Variants in RAB37 observed in about 807,000 individuals in gnomAD.
RAB37 encodes ras-related protein Rab-37.
In RAB37, 29 loss-of-function variants were observed where a neutral mutation model predicts 33.1. The observed-to-expected ratio is 0.88, with a 90% CI of 0.65 to 1.20. The LOEUF is 1.20. Ranked by LOEUF, RAB37 falls within the 50% of genes most tolerant of loss-of-function variation. The pLI, the probability that RAB37 is intolerant of heterozygous loss-of-function variation, is 0.00. For synonymous variants in RAB37, 128 were observed against 119.5 expected (o/e 1.07, Z -0.47); for missense variants, 299 against 301.1 (o/e 0.99, Z 0.05).
chr17:74,737,326 C>T lies in RAB37; in HGVS notation c.54C>T (p.Arg18=). The T allele has an allele frequency of 1.3e-6, 2 of 1,577,700 alleles. No individual in the cohort carries two copies. Among genetic ancestry groups the T allele is most frequent in the Non-Finnish European group, 1.7e-6 (2 of 1,169,174 alleles). The part of the protein sequence containing the change: ...VATRDGEAPE[R]SPPCSPSYDL... ...CCCGGGATGGCGAGGCCCCCGAGCG[C>T]TCCCCGCCCTGCAGTCCGAGCTACG... Residue 18 remains arginine (R), a synonymous_variant, in exon 1 of 9, where the codon CGC becomes CGT. Transcript: ENST00000392613.
chr17:74,745,302 C>A lies in RAB37; in HGVS notation c.567-4C>A. ...CCAGCCCAGCCCATTGTCTCTTCTT[C>A]AAGGGAACTGAAATACCGGGCCGGG... On this transcript the variant is annotated splice_region_variant and splice_polypyrimidine_tract_variant and intron_variant, in intron 8 of 8. Coordinates refer to ENST00000392613, the MANE Select transcript of RAB37 (RefSeq NM_001006638.3). This position sits in a 1 kb window ranked among gnomAD's most constrained non-coding sequence, Gnocchi z 4.5. The A allele has an allele frequency of 6.2e-7, 1 of 1,608,074 alleles. No individual in the cohort carries two copies.
At chr17:74,713,067 G>A in intron 1 of RAB37, 1 of 561,436 alleles carries the variant, frequency 1.8e-6, no homozygotes, top group South Asian at 2.0e-5. Flanking sequence ...GGCACTTTGG[G>A]AGGCCAAGGC....
At chr17:74,717,641 C>T (rs935061735) in intron 1 of RAB37, among the ~76,000 whole-genome samples, 4 of 151,394 alleles carry the variant, frequency 2.6e-5, no homozygotes, top group Admixed American at 6.6e-5. Context: ...AGAGAAACCC[C>T]GTCTCTACTG....
Position 74,746,153 on chromosome 17 carries a change from C to T in RAB37, c.*742C>T, listed in dbSNP as rs115710917. On this transcript the variant is annotated 3_prime_UTR_variant, in exon 9 of 9. Coordinates refer to ENST00000392613, the MANE Select transcript of RAB37 (RefSeq NM_001006638.3). The surrounding 1 kb of genome is among the most constrained non-coding windows in gnomAD (Gnocchi z 5.2). ...AGATCCTGGGGGAGCCCCTCCCCCCCCTGAATCCCTGGCTTAGCTACCTTC... is the reference window on the plus strand; with the variant it reads ...AGATCCTGGGGGAGCCCCTCCCCCCTCTGAATCCCTGGCTTAGCTACCTTC... The T allele has an allele frequency of 1.3e-5, 2 of 152,180 alleles. No homozygotes were observed. The highest frequency in any genetic ancestry group is 2.4e-5 in the African/African-American group (1 of 41,402). The allele number at this position is 152,180 out of a possible 1,614,324, so 9.4% of individuals were successfully genotyped here. A position where few individuals can be genotyped will look rare whatever the true frequency, so the allele number is the denominator to read the frequency against.
chr17:74,676,409 A>G lies in RAB37; in HGVS notation c.72+4751A>G, dbSNP rs893408824. On this transcript the variant is annotated intron_variant, in intron 1 of 7. Coordinates refer to the RAB37 transcript ENST00000340415. This position sits in a 1 kb window ranked among gnomAD's most constrained non-coding sequence, Gnocchi z 4.1. ...CTTGGTTCTTCTTGGGTGAAAAGGG[A>G]TTACCAGGTCTCTGTCTTCCAAAGT... Among the ~76,000 whole-genome samples the G allele has an allele frequency of 6.6e-6, 1 of 152,032 alleles. No individual in the cohort carries two copies. Among genetic ancestry groups the G allele is most frequent in the African/African-American group, 2.4e-5 (1 of 41,392 alleles).
chr17:74,693,526 G>T (rs950188122), intron 1 of RAB37, among the ~76,000 whole-genome samples: 1 of 152,162 alleles, frequency 6.6e-6, no homozygotes, highest in Admixed American at 6.5e-5. Flanking sequence ...GGCAGGGAAT[G>T]GTTGCTTGGA....
rs1164147102 is a variant in RAB37, at chr17:74,737,370, G to T, written c.93+5G>T. Reference sequence around the variant, plus strand: ...AGCTACGACCTCACGGGCAAGGTGGGTGGGCCTCTTCCGTGAGACCCCCGC... The same window carrying T: ...AGCTACGACCTCACGGGCAAGGTGGTTGGGCCTCTTCCGTGAGACCCCCGC... On this transcript the variant is annotated splice_donor_5th_base_variant and intron_variant, in intron 1 of 8. Transcript: ENST00000392613. The T allele has an allele frequency of 6.4e-6, 10 of 1,561,202 alleles. No homozygotes were observed. The highest frequency in any genetic ancestry group is 2.7e-5 in the African/African-American group (2 of 74,390).
chr17:74,690,800 C>T (rs2032144712), intron 1 of RAB37, among the ~76,000 whole-genome samples: 1 of 152,218 alleles, frequency 6.6e-6, no homozygotes, highest in Admixed American at 6.5e-5. Flanking sequence ...ACTGGACTGG[C>T]TCATGACTGT....
In RAB37 at chr17:74,744,772, G is replaced by A. The variant is rs998856762; in HGVS notation, c.433-101G>A. 1.1e-5 allele frequency: 15 copies of A among 1,401,104 alleles called. No homozygotes were observed. The Admixed American group carries it at 1.7e-4, about 16-fold the overall frequency. The allele number at this position is 1,401,104 out of a possible 1,614,324, so 86.8% of individuals were successfully genotyped here. On this transcript the variant is annotated intron_variant, in intron 6 of 8. Coordinates refer to ENST00000392613, the MANE Select transcript of RAB37 (RefSeq NM_001006638.3). The surrounding 1 kb of genome is among the most constrained non-coding windows in gnomAD (Gnocchi z 4.2). ...AATCACACCTGCCTGCAGTCCCTTGGGCCACCAGCAGAGGGCAGGCAACGC... is the reference window on the plus strand; with the variant it reads ...AATCACACCTGCCTGCAGTCCCTTGAGCCACCAGCAGAGGGCAGGCAACGC...
chr17:74,704,301 T>C (rs1446622638), intron 1 of RAB37: 2 of 600,672 alleles, frequency 3.3e-6, no homozygotes, highest in East Asian at 2.8e-5. Flanking sequence ...CTGGGAGCCA[T>C]GGGGGCATTG....
chr17:74,723,105 G>A (rs191541470), intron 1 of RAB37, among the ~76,000 whole-genome samples: 215 of 152,342 alleles, frequency 1.4e-3, no homozygotes, highest in African/African-American at 4.7e-3. Flanking sequence ...CTTCCGCAAA[G>A]TTGCAATTGC....
intron 1 of RAB37, chr17:74,696,233 C>T: frequency 1.2e-6 from 2 of 1,604,488 alleles, no homozygotes; most frequent in African/African-American, 1.3e-5. Context: ...AGACAAACAA[C>T]AATTCAGAAT....
intron 1 of RAB37, among the ~76,000 whole-genome samples, chr17:74,687,073 C>T (rs1361971092): frequency 2.0e-5 from 3 of 152,172 alleles, no homozygotes; most frequent in Non-Finnish European, 4.4e-5. Flanking sequence ...GCAGAATGTC[C>T]CTCCTGTATT....
At chr17:74,700,241 G>A (rs982586688) in intron 1 of RAB37, among the ~76,000 whole-genome samples, 2 of 152,126 alleles carry the variant, frequency 1.3e-5, no homozygotes, top group African/African-American at 2.4e-5. Flanking sequence ...TTCAGCCCAT[G>A]AAAATGGCCA....
chr17:74,744,760 T>A lies in RAB37; in HGVS notation c.433-113T>A. ...TGGCCCCAGGCCAATCACACCTGCCTGCAGTCCCTTGGGCCACCAGCAGAG... is the reference window on the plus strand; with the variant it reads ...TGGCCCCAGGCCAATCACACCTGCCAGCAGTCCCTTGGGCCACCAGCAGAG... On this transcript the variant is annotated intron_variant, in intron 6 of 8. Transcript: ENST00000392613. This position sits in a 1 kb window ranked among gnomAD's most constrained non-coding sequence, Gnocchi z 4.2. 1 of 1,268,010 alleles carries A rather than the reference T, an allele frequency of 7.9e-7. No homozygotes were observed. Among genetic ancestry groups the A allele is most frequent in the South Asian group, 1.2e-5 (1 of 83,176 alleles). 78.5% of individuals were successfully genotyped at this position (1,268,010 alleles called of 1,614,324 possible). A position where few individuals can be genotyped will look rare whatever the true frequency, so the allele number is the denominator to read the frequency against.
upstream of RAB37, chr17:74,737,204 C>CGGGGGGGGGGG (rs1039458491): frequency 3.0e-6 from 1 of 330,788 alleles, no homozygotes; most frequent in Non-Finnish European, 5.3e-6. Flanking sequence ...GTGGGCGGGG[C>CGGGGGGGGGGG]GGGGGTGGGG....
Position 74,745,490 on chromosome 17 carries a change from G to C in RAB37, c.*79G>C. 1.7e-6 allele frequency: 2 copies of C among 1,208,438 alleles called. No individual in the cohort carries two copies. The highest frequency in any genetic ancestry group is 2.5e-5 in the South Asian group (2 of 80,174). The allele number at this position is 1,208,438 out of a possible 1,614,324, so 74.9% of individuals were successfully genotyped here. ...CTCCCAGGCCTGGCTTATTCCAAGA[G>C]GCTGAGCCAATGGGGAGAAAGATGG... On this transcript the variant is annotated 3_prime_UTR_variant, in exon 9 of 9. Coordinates refer to ENST00000392613, the MANE Select transcript of RAB37 (RefSeq NM_001006638.3). The surrounding 1 kb of genome is among the most constrained non-coding windows in gnomAD (Gnocchi z 4.5).
intron 1 of RAB37, among the ~76,000 whole-genome samples, chr17:74,708,742 C>T (rs539502722): frequency 5.3e-4 from 80 of 152,190 alleles, no homozygotes; most frequent in African/African-American, 1.8e-3. Context: ...CGGTGAAACC[C>T]TGTCTCTACT....
At chr17:74,737,210 T>TTGGGGGGGGGGGGGGGGG, upstream of RAB37, 1 of 532,612 alleles carries the variant, frequency 1.9e-6, no homozygotes, top group Non-Finnish European at 3.1e-6. Flanking sequence ...GGGGCGGGGG[T>TTGGGGGGGGGGGGGGGGG]GGGGCCGTTC....
Sources: allele counts gnomAD v4.1 joint callset (sites outside exome capture counted in the v4.1 genomes callset), GRCh38; gene constraint gnomAD v4.1.1; non-coding constraint Gnocchi (gnomAD v3.1); transcripts MANE v1.5; gene names NCBI Gene and HGNC (gene_info 2026-07-23, HGNC 2026-07-21).